The following ESR1 variants were observed in gnomAD, a reference collection of about 807,000 sequenced individuals.
ESR1 encodes estrogen receptor.
Under a neutral mutation model 52.7 loss-of-function variants are expected in ESR1, and 12 were observed. The observed-to-expected ratio is 0.23, with a 90% confidence interval of 0.15 to 0.37. The LOEUF is 0.37. ESR1 is among the 10% of genes least tolerant of loss of function. The pLI is 1.00. For synonymous variants in ESR1, 305 were observed against 316.8 expected (o/e 0.96, Z 0.39); for missense variants, 584 against 779.7 (o/e 0.75, Z 2.99).
At chr6:152,077,072 T>C (rs2048794669) in intron 6 of ESR1, among the ~76,000 whole-genome samples, 1 of 152,070 alleles carries the variant, frequency 6.6e-6, no homozygotes, top group African/African-American at 2.4e-5. Flanking sequence ...TGGCAGCCCC[T>C]CCCATCACAG....
At chr6:151,785,503 CA>C (rs2128126150) in intron 2 of ESR1, among the ~76,000 whole-genome samples, 1 of 152,184 alleles carries the variant, frequency 6.6e-6, no homozygotes, top group East Asian at 1.9e-4. Context: ...CATTTTTTCT[CA>C]AAATTCCTAC....
intron 2 of ESR1, among the ~76,000 whole-genome samples, chr6:151,702,291 C>CTGAT (rs1779856922): frequency 6.6e-6 from 1 of 152,094 alleles, no homozygotes; most frequent in African/African-American, 2.4e-5. Context: ...GAGAGGTTAA[C>CTGAT]CAATTTATTT....
rs2050901977 is a variant in ESR1 at position 152,099,887 on chromosome 6, AG to A, written c.*925del. On this transcript the variant is annotated 3_prime_UTR_variant, in exon 8 of 8. Coordinates refer to ENST00000206249, the MANE Select transcript of ESR1 (RefSeq NM_000125.4). ...TTCCCGGCGTGTGTGTGCCTTACACAGGGGTGAACTGTTCACTGTGGTGATG... is the reference window on the plus strand; with the variant it reads ...TTCCCGGCGTGTGTGTGCCTTACACAGGGTGAACTGTTCACTGTGGTGATG... The A allele has an allele frequency of 2.5e-6, 1 of 397,534 alleles. No homozygotes were observed. The highest frequency in any genetic ancestry group is 4.4e-6 in the Non-Finnish European group (1 of 225,760). 24.6% of individuals were successfully genotyped at this position (397,534 alleles called of 1,614,324 possible).
intron 3 of ESR1, 102 bp downstream of exon 3, chr6:151,880,873 C>G (rs375245989): frequency 2.9e-6 from 2 of 690,838 alleles, no homozygotes; most frequent in African/African-American, 3.7e-5. Flanking sequence ...GTGTTTTTTT[C>G]TTTTAATTGT....
chr6:151,978,432 G>A (rs2039670337), intron 4 of ESR1, among the ~76,000 whole-genome samples: 4 of 152,118 alleles, frequency 2.6e-5, no homozygotes. Context: ...AGATAGTAAA[G>A]AGGAAGAAAA....
At chr6:151,842,844 C>CAGAT in intron 2 of ESR1, 57 bp downstream of exon 2, 1 of 1,469,516 alleles carries the variant, frequency 6.8e-7, no homozygotes, top group Non-Finnish European at 9.5e-7. Flanking sequence ...ATCCTAAGAG[C>CAGAT]CAAAGCGACT....
At chr6:151,912,581 A>C (rs1798433578) in intron 3 of ESR1, among the ~76,000 whole-genome samples, 1 of 152,174 alleles carries the variant, frequency 6.6e-6, no homozygotes, top group African/African-American at 2.4e-5. Context: ...GATATTTGTG[A>C]AATCCAAGAG....
At chr6:151,678,072 A>G (rs555873673) in intron 1 of ESR1, among the ~76,000 whole-genome samples, 23 of 152,330 alleles carry the variant, frequency 1.5e-4, no homozygotes, top group African/African-American at 5.3e-4. Flanking sequence ...AGGCACATGT[A>G]TGGTGTTGCG....
rs1037282407 is a variant in ESR1, at chr6:151,955,433, C to T, written c.1096+10925C>T. Reference sequence around the variant, plus strand: ...AATAAAGAAAAGTTATAATACTTTCCGTAGCATATATAAAAAAGAAACAGA... The same window carrying T: ...AATAAAGAAAAGTTATAATACTTTCTGTAGCATATATAAAAAAGAAACAGA... On this transcript the variant is annotated intron_variant, in intron 4 of 7. Transcript: ENST00000206249. Among the ~76,000 whole-genome samples the T allele has an allele frequency of 4.6e-5, 7 of 151,842 alleles. No individual in the cohort carries two copies. In the East Asian group the frequency reaches 9.7e-4, roughly 21 times the overall value.
intron 2 of ESR1, among the ~76,000 whole-genome samples, chr6:151,703,025 A>G (rs996504136): frequency 3.9e-5 from 6 of 152,176 alleles, no homozygotes; most frequent in African/African-American, 1.4e-4. Flanking sequence ...ATTGCAAGGG[A>G]GGGGTTGGGT....
At chr6:152,111,623 T>C (rs2051137050) in intron 6 of ESR1, among the ~76,000 whole-genome samples, 1 of 152,212 alleles carries the variant, frequency 6.6e-6, no homozygotes, top group African/African-American at 2.4e-5. Flanking sequence ...AAAAGATTCC[T>C]GAGTATTTCC....
At chr6:151,883,836 C>G (rs1390145462) in intron 3 of ESR1, among the ~76,000 whole-genome samples, 1 of 152,148 alleles carries the variant, frequency 6.6e-6, no homozygotes, top group Non-Finnish European at 1.5e-5. Context: ...TGTGTCCCCA[C>G]ATGGCCTTTT....
chr6:152,004,673 G>A (rs2128753004), intron 4 of ESR1, among the ~76,000 whole-genome samples: 1 of 151,972 alleles, frequency 6.6e-6, no homozygotes, highest in East Asian at 1.9e-4. Context: ...AAATCTCAGA[G>A]TAAGATATAA....
upstream of ESR1, among the ~76,000 whole-genome samples, chr6:151,686,700 C>CCAAT (rs1455769050): frequency 1.4e-5 from 2 of 144,960 alleles, no homozygotes; most frequent in Non-Finnish European, 3.0e-5. Context: ...AACCAACCAA[C>CCAAT]CAACCAACCA....
chr6:151,899,450 G>A (rs1268431794), intron 3 of ESR1, among the ~76,000 whole-genome samples: 15 of 131,714 alleles, frequency 1.1e-4, no homozygotes, highest in African/African-American at 3.5e-4. Context: ...CTCACCTCCC[G>A]GACTGGGCAG....
At chr6:152,076,186 T>C (rs1468394263) in intron 6 of ESR1, among the ~76,000 whole-genome samples, 1 of 152,204 alleles carries the variant, frequency 6.6e-6, no homozygotes, top group Non-Finnish European at 1.5e-5. Context: ...TGGGAGATCA[T>C]TTGAATCATA....
intron 1 of ESR1, among the ~76,000 whole-genome samples, chr6:151,821,838 G>A (rs1476048123): frequency 6.6e-6 from 1 of 152,118 alleles, no homozygotes; most frequent in East Asian, 1.9e-4. Context: ...GTTATATACT[G>A]TTTACTATTA....
chr6:152,129,205 G>A (rs924472532), exon 7 of ESR1: 1 of 152,220 alleles, frequency 6.6e-6, no homozygotes, highest in Non-Finnish European at 1.5e-5. Flanking sequence ...CTGAAACAAT[G>A]CGGAGAGCAG....
chr6:151,663,396 T>C (rs1398025156), intron 1 of ESR1, among the ~76,000 whole-genome samples: 1 of 152,236 alleles, frequency 6.6e-6, no homozygotes, highest in African/African-American at 2.4e-5. Flanking sequence ...AGCAGTCCTA[T>C]TGTCAGCACT....
Sources: gnomAD v4.1 joint callset for allele counts (sites outside exome capture counted in the v4.1 genomes callset) on GRCh38, gnomAD v4.1.1 for gene constraint, MANE v1.5 for transcripts, NCBI Gene and HGNC (gene_info 2026-07-23, HGNC 2026-07-21) for gene names.